Variants in CCDC116 observed in about 807,000 individuals in gnomAD.
CCDC116 encodes the protein coiled-coil domain-containing protein 116.
A neutral mutation model predicts 29.4 loss-of-function variants in CCDC116; 24 were observed. The ratio of observed to expected loss-of-function variants is 0.82; its 90% CI spans 0.59 to 1.15. The LOEUF is 1.15. Ranked by LOEUF, CCDC116 falls within the 50% of genes most tolerant of loss-of-function variation. CCDC116 has a pLI of 0.00. For missense variants in CCDC116, 791 were observed against 804.0 expected (o/e 0.98, Z 0.20); for synonymous variants, 298 against 331.4 (o/e 0.90, Z 1.10).
chr22:21,632,928 G>A, intron 1 of CCDC116, 101 bp downstream of exon 1: 1 of 658,732 alleles, frequency 1.5e-6, no homozygotes, highest in African/African-American at 1.8e-5. Context: ...TCGGAGACAG[G>A]ATTGTCCTCA....
At chr22:21,633,736 C>G (rs1930646587) in intron 2 of CCDC116, among the ~76,000 whole-genome samples, 1 of 152,222 alleles carries the variant, frequency 6.6e-6, no homozygotes, top group African/African-American at 2.4e-5. Flanking sequence ...GGCTTGCAGA[C>G]TCCTTAGCCA....
intron 4 of CCDC116, chr22:21,635,881 C>A: frequency 2.0e-6 from 1 of 490,706 alleles, no homozygotes; most frequent in Non-Finnish European, 3.6e-6. Context: ...TGGACAGCAG[C>A]CCAAGCCCAG....
At chr22:21,635,740 A>G (rs1007999198) in intron 4 of CCDC116, 2 of 604,672 alleles carry the variant, frequency 3.3e-6, no homozygotes, top group Admixed American at 2.9e-5. Context: ...GGGCCCATGA[A>G]TCCTGGCCTA....
intron 2 of CCDC116, 109 bp from the exon 3 acceptor site, chr22:21,633,912 CA>C: frequency 8.6e-7 from 1 of 1,157,142 alleles, no homozygotes. Flanking sequence ...TTCCAGACTC[CA>C]AAATGCAGCT....
At position 21,636,512 on chromosome 22, in the gene CCDC116, C is replaced by CA. The variant is rs1930807466; in HGVS notation, c.1286dup (p.Asn429LysfsTer5). 1.2e-6 allele frequency: 2 copies of CA among 1,614,066 alleles called. No homozygotes were observed. The highest frequency in any genetic ancestry group is 1.7e-6 in the Non-Finnish European group (2 of 1,180,014). On this transcript the variant is annotated frameshift_variant, in exon 5 of 5. Coordinates refer to ENST00000292779, the MANE Select transcript of CCDC116 (RefSeq NM_152612.3). LOFTEE classifies it low-confidence loss of function (END_TRUNC). ...CGAAGTCCAGCATGTCTCACTTCTC[C>CA]AACCGCCTTTATGAGGAGCTCGCCG... is the stretch of plus-strand genomic sequence containing the variant.
rs1423286066 is a variant in CCDC116, at chr22:21,634,240, G to A, written c.291G>A (p.Met97Ile). The A allele has an allele frequency of 6.2e-7, 1 of 1,614,210 alleles. No homozygotes were observed. The highest frequency in any genetic ancestry group is 1.7e-5 in the Admixed American group (1 of 60,036). Residue 97 changes from methionine (M) to isoleucine (I), a missense_variant, in exon 3 of 5, where the codon ATG becomes ATA. Coordinates refer to ENST00000292779, the MANE Select transcript of CCDC116 (RefSeq NM_152612.3). Reference protein sequence around the residue: ...ETVVEKATERMAAMKTEAGVP... With the variant: ...ETVVEKATERIAAMKTEAGVP... ...TGGTGGAGAAGGCGACTGAGCGCATGGCTGCCATGAAGACGGAGGCTGGGG... is the reference window on the plus strand; with the variant it reads ...TGGTGGAGAAGGCGACTGAGCGCATAGCTGCCATGAAGACGGAGGCTGGGG...
At position 21,634,996 on chromosome 22, in the gene CCDC116, T is replaced by C. The variant is rs1285924702; in HGVS notation, c.933T>C (p.Pro311=). Residue 311 remains proline (P), a synonymous_variant, in exon 4 of 5, where the codon CCT becomes CCC. Transcript: ENST00000292779. Reference sequence around the variant, plus strand: ...TCCTGGCTGACCACCGCCTCTTCCCTGCCCTGCAAAGCGTGGTCAGCCAGG... The same window carrying C: ...TCCTGGCTGACCACCGCCTCTTCCCCGCCCTGCAAAGCGTGGTCAGCCAGG... ...LNFLADHRLF[P]ALQSVVSQAV... 1 of 1,611,396 alleles carries C rather than the reference T, an allele frequency of 6.2e-7. No individual in the cohort carries two copies. Among genetic ancestry groups the C allele is most frequent in the Admixed American group, 1.7e-5 (1 of 60,012 alleles).
In CCDC116 at chr22:21,633,349, A is replaced by G. The variant is rs149676456; in HGVS notation, c.72+96A>G. 3,232 of 984,772 alleles carry G rather than the reference A, an allele frequency of 3.3e-3. 25 individuals are homozygous for G. The highest frequency in any genetic ancestry group is 4.1e-3 in the African/African-American group (253 of 61,674). The allele number at this position is 984,772 out of a possible 1,614,324, so 61.0% of individuals were successfully genotyped here. ...CCACAACCCCCATTTCTCATTGTCT[A>G]TTGACTTCTCTGGGCCTCTTAGTGA... On this transcript the variant is annotated intron_variant, in intron 2 of 4. Transcript: ENST00000292779.
Position 21,635,054 on chromosome 22 carries a change from G to A in CCDC116, c.991G>A (p.Asp331Asn), listed in dbSNP as rs774127975. ...VDKLRGAHCR[D>N]GRPLFPTSLE... is the part of the protein sequence containing the mutation. Reference sequence around the variant, plus strand: ...TAAGCTCCGTGGCGCCCACTGCCGCGACGGCCGTCCTCTGTTCCCCACCAG... The same window carrying A: ...TAAGCTCCGTGGCGCCCACTGCCGCAACGGCCGTCCTCTGTTCCCCACCAG... The change falls in exon 4 of 5, where the codon GAC (aspartate) becomes AAC (asparagine). Residue 331 changes from aspartate to asparagine, a missense_variant. Asp to Asn is a conservative substitution (Grantham distance 23). Coordinates refer to ENST00000292779, the MANE Select transcript of CCDC116 (RefSeq NM_152612.3). 22 of 1,609,362 alleles carry A rather than the reference G, an allele frequency of 1.4e-5. 1 individual carries two copies. The Admixed American group carries it at 1.8e-4, about 13-fold the overall frequency.
At position 21,636,761 on chromosome 22, in the gene CCDC116, C is replaced by T. The variant is rs1426817510; in HGVS notation, c.1533C>T (p.Ala511=). The change falls in exon 5 of 5, where the codon GCC becomes GCT. Residue 511 remains alanine, a synonymous_variant. Transcript: ENST00000292779. ...AGGAGTCCAAAAGGGCCCGGCAGGCCTCCCGGCTCAGCACCTCCCACTGCA... is the reference window on the plus strand; with the variant it reads ...AGGAGTCCAAAAGGGCCCGGCAGGCTTCCCGGCTCAGCACCTCCCACTGCA... ...KLEESKRARQ[A]SRLSTSHCST... 6.2e-7 allele frequency: 1 copy of T among 1,612,856 alleles called. No homozygotes were observed. The highest frequency in any genetic ancestry group is 1.1e-5 in the South Asian group (1 of 91,074).
At position 21,636,685 on chromosome 22, in the gene CCDC116, G is replaced by A. The variant is rs967272795; in HGVS notation, c.1457G>A (p.Arg486His). ...SLGLKKVKGS[R>H]IHLSSETHRS... ...GGCTTAAAGAAGGTAAAAGGCTCCC[G>A]CATCCACCTGTCCTCGGAGACCCAC... The change falls in exon 5 of 5, where the codon CGC becomes CAC. Residue 486 changes from arginine (R) to histidine (H), a missense_variant. Physicochemically the swap from Arg to His is conservative, Grantham distance 29 (BLOSUM62 0). Coordinates refer to ENST00000292779, the MANE Select transcript of CCDC116 (RefSeq NM_152612.3). The A allele has an allele frequency of 7.4e-6, 12 of 1,613,782 alleles. No individual in the cohort carries two copies. The highest frequency in any genetic ancestry group is 2.2e-5 in the East Asian group (1 of 44,876).
chr22:21,633,289 C>T, intron 2 of CCDC116, 36 bp downstream of exon 2: 1 of 1,497,152 alleles, frequency 6.7e-7, no homozygotes, highest in South Asian at 1.2e-5. Flanking sequence ...CCCTTGAGGC[C>T]ACAACATGTT....
chr22:21,636,869 C>T lies in CCDC116; in HGVS notation c.1641C>T (p.Tyr547=), dbSNP rs1212924063. Residue 547 remains tyrosine, a synonymous_variant, in exon 5 of 5, where the codon TAC becomes TAT. Transcript: ENST00000292779. ...CCACAGAGCCCTGCCGCTCCCTCTACACCAACTTGCCAGCCAGCCGGCAGC... is the reference window on the plus strand; with the variant it reads ...CCACAGAGCCCTGCCGCTCCCTCTATACCAACTTGCCAGCCAGCCGGCAGC... ...DQATEPCRSL[Y]TNLPASRQLS... The T allele has an allele frequency of 6.2e-7, 1 of 1,613,734 alleles. No individual in the cohort carries two copies. The highest frequency in any genetic ancestry group is 1.7e-5 in the Admixed American group (1 of 60,032).
Position 21,634,225 on chromosome 22 carries a change from G to A in CCDC116, c.276G>A (p.Lys92=), listed in dbSNP as rs1215398291. Residue 92 remains lysine (K), a synonymous_variant, in exon 3 of 5, where the codon AAG becomes AAA. Coordinates refer to ENST00000292779, the MANE Select transcript of CCDC116 (RefSeq NM_152612.3). ...VLDSLETVVE[K]ATERMAAMKT... Reference sequence around the variant, plus strand: ...ACAGCCTGGAGACAGTGGTGGAGAAGGCGACTGAGCGCATGGCTGCCATGA... The same window carrying A: ...ACAGCCTGGAGACAGTGGTGGAGAAAGCGACTGAGCGCATGGCTGCCATGA... 14 of 1,614,236 alleles carry A rather than the reference G, an allele frequency of 8.7e-6. No homozygotes were observed. Among genetic ancestry groups the A allele is most frequent in the Non-Finnish European group, 1.2e-5 (14 of 1,180,042 alleles).
At position 21,634,928 on chromosome 22, in the gene CCDC116, C is replaced by A; in HGVS notation, c.865C>A (p.Pro289Thr). The A allele has an allele frequency of 6.2e-7, 1 of 1,613,932 alleles. No homozygotes were observed. The highest frequency in any genetic ancestry group is 1.1e-5 in the South Asian group (1 of 91,084). The change falls in exon 4 of 5, where the codon CCT becomes ACT. Residue 289 changes from proline (P) to threonine (T), a missense_variant. Pro to Thr is a conservative substitution (Grantham distance 38). Transcript: ENST00000292779. ...LLSQLESLDL[P>T]GYCPLREPHR... ...GAGCCAGCTGGAGTCCCTCGACCTG[C>A]CTGGCTACTGTCCGCTCCGTGAGCC... is the stretch of plus-strand genomic sequence containing the variant.
chr22:21,632,789 A>C lies in CCDC116; in HGVS notation c.-101A>C. On this transcript the variant is annotated 5_prime_UTR_variant, in exon 1 of 5. Transcript: ENST00000292779. ...TGTGCAGCTGCTCCAGTGAGGGCGCAGACTGTACTGGCCTGTGCGGAGCAA... is the reference window on the plus strand; with the variant it reads ...TGTGCAGCTGCTCCAGTGAGGGCGCCGACTGTACTGGCCTGTGCGGAGCAA... 1 of 367,266 alleles carries C rather than the reference A, an allele frequency of 2.7e-6. No homozygotes were observed. The highest frequency in any genetic ancestry group is 2.3e-5 in the South Asian group (1 of 43,934). 22.8% of individuals were successfully genotyped at this position (367,266 alleles called of 1,614,324 possible).
Position 21,636,498 on chromosome 22 carries a change from A to G in CCDC116, c.1270A>G (p.Met424Val), listed in dbSNP as rs1930806068. The change falls in exon 5 of 5, where the codon ATG (methionine) becomes GTG (valine). Residue 424 changes from methionine (M) to valine (V), a missense_variant. By Grantham distance (21) the Met-to-Val change is conservative. Transcript: ENST00000292779. ...PLPSISSKSSMSHFSNRLYEE... is the reference protein window; with the variant it reads ...PLPSISSKSSVSHFSNRLYEE... ...GCCCTCCATCTCGTCGAAGTCCAGCATGTCTCACTTCTCCAACCGCCTTTA... is the reference window on the plus strand; with the variant it reads ...GCCCTCCATCTCGTCGAAGTCCAGCGTGTCTCACTTCTCCAACCGCCTTTA... 2 of 1,613,866 alleles carry G rather than the reference A, an allele frequency of 1.2e-6. No homozygotes were observed. Among genetic ancestry groups the G allele is most frequent in the East Asian group, 4.5e-5 (2 of 44,888 alleles).
rs1423013331 is a variant in CCDC116 at position 21,632,765 on chromosome 22, G to A, written c.-125G>A. 6 of 338,582 alleles carry A rather than the reference G, an allele frequency of 1.8e-5. No individual in the cohort carries two copies. Among genetic ancestry groups the A allele is most frequent in the Non-Finnish European group, 2.9e-5 (5 of 171,938 alleles). The allele number at this position is 338,582 out of a possible 1,614,324, so 21.0% of individuals were successfully genotyped here. A position where few individuals can be genotyped will look rare whatever the true frequency, so the allele number is the denominator to read the frequency against. ...GGCCGCCAGCCGACTTCCTCGCACT[G>A]TGCAGCTGCTCCAGTGAGGGCGCAG... On this transcript the variant is annotated 5_prime_UTR_variant, in exon 1 of 5. In the 5' UTR this introduces an upstream ATG that the reference lacks. Transcript: ENST00000292779.
In CCDC116 at chr22:21,637,107, C is replaced by A; in HGVS notation, c.*37C>A. ...GCCTGGAGAGGAGGCCTCGGTCAGC[C>A]ACTCCGTGGACGTGGGCCACGGTGA... On this transcript the variant is annotated 3_prime_UTR_variant, in exon 5 of 5. Transcript: ENST00000292779. 6.5e-7 allele frequency: 1 copy of A among 1,549,430 alleles called. No homozygotes were observed. The highest frequency in any genetic ancestry group is 1.2e-5 in the South Asian group (1 of 83,852).
Sources: allele counts gnomAD v4.1 joint callset (sites outside exome capture counted in the v4.1 genomes callset), GRCh38; gene constraint gnomAD v4.1.1; transcripts MANE v1.5; gene names NCBI Gene and HGNC (gene_info 2026-07-23, HGNC 2026-07-21).